Variants in TTLL3 observed in about 807,000 individuals in gnomAD.
TTLL3 encodes tubulin monoglycylase TTLL3.
In TTLL3, 63 loss-of-function variants were observed where a neutral mutation model predicts 75.2. The observed-to-expected ratio is 0.84, with a 90% confidence interval of 0.68 to 1.03. TTLL3 has a LOEUF of 1.03. TTLL3 is among the 50% of genes least tolerant of loss of function. TTLL3 has a pLI of 0.00. For missense variants in TTLL3, 997 were observed against 1,069.9 expected, an observed-to-expected ratio of 0.93 and a Z score of 0.95; for synonymous variants, 393 against 418.5, an observed-to-expected ratio of 0.94 and a Z score of 0.74.
intron 2 of TTLL3, among the ~76,000 whole-genome samples, chr3:9,812,191 A>C (rs2079416304): frequency 6.6e-6 from 1 of 152,106 alleles, no homozygotes. Context: ...TGGCCAACAC[A>C]GTGAAGCCCA....
Position 9,826,983 on chromosome 3 carries a change from C to T in TTLL3, c.1004-14C>T. 6.2e-7 allele frequency: 1 copy of T among 1,614,074 alleles called. No homozygotes were observed. The highest frequency in any genetic ancestry group is 1.3e-5 in the African/African-American group (1 of 75,044). On this transcript the variant is annotated splice_polypyrimidine_tract_variant and intron_variant, in intron 9 of 13. Transcript: ENST00000685419. ...CCTGACCTTCCAATCCCTGACTGCCCTCTTCCCCCGTAGGCATCATGTGCA... is the reference window on the plus strand; with the variant it reads ...CCTGACCTTCCAATCCCTGACTGCCTTCTTCCCCCGTAGGCATCATGTGCA...
At chr3:9,826,093 T>A in intron 9 of TTLL3, 145 bp downstream of exon 9, 1 of 1,356,974 alleles carries the variant, frequency 7.4e-7, no homozygotes, top group Non-Finnish European at 9.9e-7. Context: ...CTTCGTGACC[T>A]TGAGCAGGTT....
At chr3:9,811,341 C>T (rs895921678) in intron 2 of TTLL3, among the ~76,000 whole-genome samples, 4 of 152,200 alleles carry the variant, frequency 2.6e-5, no homozygotes, top group African/African-American at 9.7e-5. Context: ...CTGCCCAAAC[C>T]TGTCGTCCTC....
Position 9,834,713 on chromosome 3 carries a change from G to T in TTLL3, c.1858G>T (p.Ala620Ser). Residue 620 changes from alanine (A) to serine (S), a missense_variant, in exon 13 of 14, where the codon GCC becomes TCC. Transcript: ENST00000685419. ...RHHFPSLHTK[A>S]QLPSPHVLRH... is the part of the protein sequence containing the mutation. ...CCACTTCCCCAGCCTCCACACCAAG[G>T]CCCAGCTGCCTTCTCCCCATGTACT... 6.2e-7 allele frequency: 1 copy of T among 1,614,080 alleles called. No homozygotes were observed. Among genetic ancestry groups the T allele is most frequent in the Non-Finnish European group, 8.5e-7 (1 of 1,180,034 alleles).
At chr3:9,829,709 T>C (rs4684655) in intron 11 of TTLL3, among the ~76,000 whole-genome samples, 30,664 of 152,184 alleles carry the variant, frequency 0.2, 3,571 homozygotes, top group East Asian at 0.55. Context: ...TCCTGTTCAG[T>C]GACAACAAGC....
intron 4 of TTLL3, 56 bp downstream of exon 4, chr3:9,813,401 T>C (rs2079528154): frequency 1.9e-6 from 3 of 1,599,442 alleles, no homozygotes; most frequent in Non-Finnish European, 2.6e-6. Context: ...AGGGAGGGCA[T>C]TGGTGTCCAG....
Position 9,810,587 on chromosome 3 carries a change from G to A in TTLL3, c.-41-34G>A, listed in dbSNP as rs960696356. The A allele has an allele frequency of 1.2e-5, 18 of 1,548,320 alleles. No individual in the cohort carries two copies. Among genetic ancestry groups the A allele is most frequent in the Non-Finnish European group, 1.5e-5 (17 of 1,145,362 alleles). ...GGCCGAGACCCTAGGCCCAGCCTCA[G>A]TGTACCCCGCCCCTATTCCGCATCT... On this transcript the variant is annotated intron_variant, in intron 1 of 13. Coordinates refer to ENST00000685419, the MANE Select transcript of TTLL3 (RefSeq NM_001387446.1). This position sits in a 1 kb window ranked among gnomAD's most constrained non-coding sequence, Gnocchi z 4.4.
rs755856593 is a variant in TTLL3 at position 9,835,259 on chromosome 3, C to G, written c.2218C>G (p.Leu740Val). 1.2e-6 allele frequency: 2 copies of G among 1,614,212 alleles called. No homozygotes were observed. Among genetic ancestry groups the G allele is most frequent in the South Asian group, 2.2e-5 (2 of 91,088 alleles). ...PRAEACPMKR[L>V]SPLKPLPLVG... ...GGCTGAGGCCTGCCCCATGAAGAGGCTGAGCCCCCTGAAACCCCTGCCCCT... is the reference window on the plus strand; with the variant it reads ...GGCTGAGGCCTGCCCCATGAAGAGGGTGAGCCCCCTGAAACCCCTGCCCCT... The change falls in exon 14 of 14, where the codon CTG (leucine) becomes GTG (valine). Residue 740 changes from leucine (L) to valine (V), a missense_variant. Leu to Val is a conservative substitution (Grantham distance 32). Coordinates refer to ENST00000685419, the MANE Select transcript of TTLL3 (RefSeq NM_001387446.1).
chr3:9,817,003 G>A (rs1019258138), intron 5 of TTLL3, among the ~76,000 whole-genome samples: 3 of 152,180 alleles, frequency 2.0e-5, no homozygotes, highest in Non-Finnish European at 4.4e-5. Context: ...ATGAGGTCTT[G>A]CTATGCTGCC....
upstream of TTLL3, chr3:9,809,870 A>T: frequency 4.7e-6 from 3 of 644,786 alleles, no homozygotes; most frequent in Non-Finnish European, 6.8e-6. Context: ...ATGGTTTCCA[A>T]GGCAATAGCA....
chr3:9,814,797 G>T (rs750541776), intron 4 of TTLL3, among the ~76,000 whole-genome samples: 1 of 152,082 alleles, frequency 6.6e-6, no homozygotes, highest in Non-Finnish European at 1.5e-5. Context: ...CTTCAGCCTG[G>T]GTGACAGAAC....
Position 9,833,241 on chromosome 3 carries a change from G to A in TTLL3, c.1821G>A (p.Gly607=), listed in dbSNP as rs758149803. The part of the protein sequence containing the change: ...AVPLLTQRGS[G]EARHHFPSLH... ...CTCTGCTGACCCAGCGAGGCTCTGG[G>A]GAAGGCAAGGACTCGGGGACCCCTA... Residue 607 remains glycine (G), a synonymous_variant, in exon 12 of 14, where the codon GGG becomes GGA. Coordinates refer to ENST00000685419, the MANE Select transcript of TTLL3 (RefSeq NM_001387446.1). 1.2e-6 allele frequency: 2 copies of A among 1,613,910 alleles called. No homozygotes were observed. Among genetic ancestry groups the A allele is most frequent in the Admixed American group, 1.7e-5 (1 of 60,012 alleles).
chr3:9,812,768 C>G lies in TTLL3; in HGVS notation c.49-175C>G, dbSNP rs140792396. Reference sequence around the variant, plus strand: ...AATAAATATTAGCCATTGCTATTATCATTATTACCATGCATATTTATTTCT... The same window carrying G: ...AATAAATATTAGCCATTGCTATTATGATTATTACCATGCATATTTATTTCT... On this transcript the variant is annotated intron_variant, in intron 2 of 13. Transcript: ENST00000685419. 760 of 718,764 alleles carry G rather than the reference C, an allele frequency of 1.1e-3. 9 individuals are homozygous for G. The highest frequency in any genetic ancestry group is 9.2e-3 in the Admixed American group (236 of 25,684). 44.5% of individuals were successfully genotyped at this position (718,764 alleles called of 1,614,324 possible).
intron 8 of TTLL3, among the ~76,000 whole-genome samples, chr3:9,824,881 C>T (rs1284629430): frequency 1.3e-5 from 2 of 151,896 alleles, no homozygotes; most frequent in Non-Finnish European, 2.9e-5. Context: ...GCTGGGATTA[C>T]AGGCACCTGC....
chr3:9,813,398 G>T, intron 4 of TTLL3, 53 bp downstream of exon 4: 1 of 1,600,690 alleles, frequency 6.2e-7, no homozygotes, highest in Non-Finnish European at 8.5e-7. Context: ...TAGAGGGAGG[G>T]CATTGGTGTC....
In TTLL3 at chr3:9,810,331, G is replaced by A. The variant is rs1190560562; in HGVS notation, c.-105G>A. 3.4e-6 allele frequency: 5 copies of A among 1,459,972 alleles called. No individual in the cohort carries two copies. Among genetic ancestry groups the A allele is most frequent in the African/African-American group, 1.5e-5 (1 of 67,204 alleles). The allele number at this position is 1,459,972 out of a possible 1,614,324, so 90.4% of individuals were successfully genotyped here. A position where few individuals can be genotyped will look rare whatever the true frequency, so the allele number is the denominator to read the frequency against. ...GGTCCCAGGCACCCACGCCCAGGGC[G>A]CCTCGGATACCCACCCCCTCGGCCC... On this transcript the variant is annotated 5_prime_UTR_variant, in exon 1 of 14. Coordinates refer to ENST00000685419, the MANE Select transcript of TTLL3 (RefSeq NM_001387446.1). The surrounding 1 kb of genome is among the most constrained non-coding windows in gnomAD (Gnocchi z 4.4).
chr3:9,814,369 G>C (rs2079627179), intron 4 of TTLL3, among the ~76,000 whole-genome samples: 1 of 148,944 alleles, frequency 6.7e-6, no homozygotes, highest in Admixed American at 6.7e-5. Flanking sequence ...ATAAAGGCCA[G>C]GAGCAGTGGC....
chr3:9,834,539 C>G (rs1326668495), intron 12 of TTLL3, 142 bp from the exon 13 acceptor site: 4 of 1,333,758 alleles, frequency 3.0e-6, no homozygotes, highest in Non-Finnish European at 4.2e-6. Flanking sequence ...TTCTCACTGC[C>G]TCTGGAGGAG....
At chr3:9,831,050 C>T (rs909941768) in intron 11 of TTLL3, among the ~76,000 whole-genome samples, 2 of 152,332 alleles carry the variant, frequency 1.3e-5, no homozygotes, top group Non-Finnish European at 2.9e-5. Flanking sequence ...ATTTGCCCGC[C>T]TCGGCCTCCC....
Sources: gnomAD v4.1 joint callset for allele counts (sites outside exome capture counted in the v4.1 genomes callset) on GRCh38, gnomAD v4.1.1 for gene constraint, Gnocchi (gnomAD v3.1) non-coding constraint, MANE v1.5 for transcripts, NCBI Gene and HGNC (gene_info 2026-07-23, HGNC 2026-07-21) for gene names.